The following PTK2 variants were observed in gnomAD, a reference collection of about 807,000 sequenced individuals.
PTK2 encodes focal adhesion kinase 1.
Under a neutral mutation model 150.1 loss-of-function variants are expected in PTK2, and 45 were observed. The ratio of observed to expected loss-of-function variants is 0.30; its 90% confidence interval spans 0.24 to 0.38. PTK2 has a LOEUF of 0.38. Among genes scored for constraint, PTK2 ranks in the 10% least tolerant of loss-of-function variants. The probability of loss-of-function intolerance (pLI) is 1.00; values close to 1 mark genes in which losing one functional copy is unlikely to be tolerated. For missense variants in PTK2, 919 were observed against 1,307.3 expected, an observed-to-expected ratio of 0.70 and a Z score of 4.58; for synonymous variants, 432 against 449.2, an observed-to-expected ratio of 0.96 and a Z score of 0.48.
intron 1 of PTK2, among the ~76,000 whole-genome samples, chr8:140,938,169 T>C (rs1733503499): frequency 6.6e-6 from 1 of 152,166 alleles, no homozygotes; most frequent in Non-Finnish European, 1.5e-5. Context: ...CTAAGTCCAC[T>C]AGTGTAGGGC....
At chr8:140,992,772 T>G (rs1266364619) in intron 1 of PTK2, among the ~76,000 whole-genome samples, 2 of 152,118 alleles carry the variant, frequency 1.3e-5, no homozygotes, top group African/African-American at 2.4e-5. Context: ...ATTACCTGAG[T>G]GAATGTATTT....
chr8:140,899,820 T>C (rs1601603601), intron 2 of PTK2, among the ~76,000 whole-genome samples: 1 of 152,246 alleles, frequency 6.6e-6, no homozygotes, highest in East Asian at 1.9e-4. Flanking sequence ...AAATGTGATA[T>C]ATCACATTAA....
At chr8:140,792,285 G>A (rs2100088950) in intron 13 of PTK2, among the ~76,000 whole-genome samples, 1 of 152,176 alleles carries the variant, frequency 6.6e-6, no homozygotes, top group Non-Finnish European at 1.5e-5. Flanking sequence ...GGCACAGAGT[G>A]CATGTAAAAA....
chr8:140,820,527 C>T (rs1408593961), intron 8 of PTK2: 1 of 151,810 alleles, frequency 6.6e-6, no homozygotes, highest in Non-Finnish European at 1.5e-5. Context: ...AAGTACAGAA[C>T]CAGAAAGAGG....
chr8:140,818,416 A>G (rs747785272), intron 9 of PTK2, 62 bp from the exon 10 acceptor site: 6 of 1,434,608 alleles, frequency 4.2e-6, no homozygotes, highest in Non-Finnish European at 5.9e-6. Flanking sequence ...TACTTTAGAT[A>G]AAGAGCCGTG....
At chr8:140,902,924 G>GTTTTTTGTTTTTTTTTTT (rs2100159140) in intron 2 of PTK2, among the ~76,000 whole-genome samples, 14 of 58,954 alleles carry the variant, frequency 2.4e-4, no homozygotes, top group Admixed American at 4.5e-4. Flanking sequence ...GATGAGAGTT[G>GTTTTTTGTTTTTTTTTTT]TTTTTTTTTT....
intron 26 of PTK2, 42 bp from the exon 30 acceptor site, chr8:140,686,736 T>C: frequency 1.3e-6 from 2 of 1,510,428 alleles, no homozygotes; most frequent in Non-Finnish European, 1.8e-6. Context: ...TCATTTTTGA[T>C]TTGAAAATTT....
intron 17 of PTK2, 118 bp from the exon 21 acceptor site, chr8:140,746,978 C>T: frequency 3.0e-6 from 2 of 660,254 alleles, no homozygotes; most frequent in Non-Finnish European, 5.0e-6. Context: ...GCAACCTCCA[C>T]CTCCTGGGTT....
chr8:140,784,446 C>A (rs188561265), intron 14 of PTK2, among the ~76,000 whole-genome samples: 4 of 151,888 alleles, frequency 2.6e-5, no homozygotes, highest in East Asian at 1.9e-4. Flanking sequence ...GAAAAAAAAA[C>A]CCAAACACAA....
intron 2 of PTK2, among the ~76,000 whole-genome samples, chr8:140,891,347 G>A (rs897654795): frequency 6.6e-6 from 1 of 152,002 alleles, no homozygotes; most frequent in Admixed American, 6.6e-5. Flanking sequence ...AAATTTTTAA[G>A]TGCGATAAAG....
rs185503152 is a variant in PTK2, at chr8:140,743,466, A to G, written c.1635-136T>C. The G allele has an allele frequency of 1.5e-3, 778 of 510,638 alleles. 4 individuals carry two copies. The highest frequency in any genetic ancestry group is 2.1e-3 in the Non-Finnish European group (626 of 293,188). 31.6% of individuals were successfully genotyped at this position (510,638 alleles called of 1,614,324 possible). On this transcript the variant is annotated intron_variant, in intron 19 of 31. Coordinates refer to ENST00000522684, the Ensembl canonical transcript of PTK2. Reference sequence around the variant, plus strand: ...GCGAGCAGATTATATGATATTTATTATAGGATATATATAATAAATCTCATA... The same window carrying G: ...GCGAGCAGATTATATGATATTTATTGTAGGATATATATAATAAATCTCATA...
intron 27 of PTK2, among the ~76,000 whole-genome samples, chr8:140,683,443 C>G (rs2100018149): frequency 6.6e-6 from 1 of 152,106 alleles, no homozygotes; most frequent in Admixed American, 6.6e-5. Context: ...GCTGGTAGCA[C>G]TCTTACTAAA....
chr8:140,662,219 C>T lies in PTK2; in HGVS notation c.2947-2541G>A, dbSNP rs563673160. Among the ~76,000 whole-genome samples, 17 of 151,956 alleles carry T rather than the reference C, an allele frequency of 1.1e-4. No homozygotes were observed. The South Asian group carries it at 3.3e-3, about 30-fold the overall frequency. On this transcript the variant is annotated intron_variant, in intron 31 of 31. Coordinates refer to ENST00000522684, the Ensembl canonical transcript of PTK2. ...GGCGGAGGCAGGAAGATCACTTGAG[C>T]TCAGGAGTTGGAGGTTATAGTGAGC...
At chr8:140,753,743 T>A (rs1205685104) in intron 16 of PTK2, among the ~76,000 whole-genome samples, 1 of 152,214 alleles carries the variant, frequency 6.6e-6, no homozygotes, top group African/African-American at 2.4e-5. Flanking sequence ...AGAGATAATA[T>A]TGTCATTTAC....
chr8:140,872,553 G>A (rs920864377), intron 4 of PTK2, among the ~76,000 whole-genome samples: 1 of 152,210 alleles, frequency 6.6e-6, no homozygotes, highest in Non-Finnish European at 1.5e-5. Flanking sequence ...GACTGGGGAA[G>A]CGCTGGGGAC....
rs1475740532 is a variant in PTK2, at chr8:140,669,853, C to T, written c.2710-1429G>A. On this transcript the variant is annotated intron_variant, in intron 29 of 31. Transcript: ENST00000522684. ...CCCCCATAAAAACACATGAGCAGAA[C>T]AAAAAGGAGCTAGTTTCCAAGCCTG... 11 of 1,182,224 alleles carry T rather than the reference C, an allele frequency of 9.3e-6. No homozygotes were observed. In the East Asian group the frequency reaches 2.6e-4, roughly 27 times the overall value. The allele number at this position is 1,182,224 out of a possible 1,614,324, so 73.2% of individuals were successfully genotyped here. A position where few individuals can be genotyped will look rare whatever the true frequency, so the allele number is the denominator to read the frequency against.
chr8:140,801,350 T>C (rs1200856558), intron 11 of PTK2, among the ~76,000 whole-genome samples: 3 of 152,130 alleles, frequency 2.0e-5, no homozygotes, highest in African/African-American at 7.2e-5. Flanking sequence ...CATACACGAG[T>C]GTATTTTGTC....
chr8:140,946,224 G>C (rs2100177642), intron 1 of PTK2, among the ~76,000 whole-genome samples: 1 of 152,064 alleles, frequency 6.6e-6, no homozygotes, highest in South Asian at 2.1e-4. Context: ...AAACAAGAGG[G>C]ACAACTGCAA....
chr8:140,687,033 C>T (rs1269303552), intron 26 of PTK2: 14 of 270,700 alleles, frequency 5.2e-5, no homozygotes, highest in Non-Finnish European at 1.4e-5. Context: ...TCAGGCATTA[C>T]TTGCGGCTTT....
Sources: gnomAD v4.1 joint callset for allele counts (sites outside exome capture counted in the v4.1 genomes callset) on GRCh38, gnomAD v4.1.1 for gene constraint, MANE v1.5 for transcripts, NCBI Gene and HGNC (gene_info 2026-07-23, HGNC 2026-07-21) for gene names.